NELL2: variants seen among roughly 807,000 people sequenced by gnomAD.
NELL2 encodes neural EGFL like 2.
A neutral mutation model predicts 109.6 loss-of-function variants in NELL2; 41 were observed. That is an observed-to-expected ratio of 0.37 (90% CI 0.29 to 0.49). The LOEUF (loss-of-function observed/expected upper bound fraction) is 0.49, where lower values mean the gene tolerates loss of function less well. Ranked by LOEUF, NELL2 falls within the 20% of genes least tolerant of loss-of-function variation. The pLI, the probability that NELL2 is intolerant of heterozygous loss-of-function variation, is 0.98. For synonymous variants in NELL2, 355 were observed against 344.7 expected, an observed-to-expected ratio of 1.03 and a Z score of -0.33; for missense variants, 900 against 1,008.3, an observed-to-expected ratio of 0.89 and a Z score of 1.45.
intron 3 of NELL2, among the ~76,000 whole-genome samples, chr12:44,791,905 G>A (rs549963379): frequency 1.3e-5 from 2 of 151,856 alleles, no homozygotes; most frequent in Admixed American, 1.3e-4. Context: ...CAGGCATATA[G>A]ACCACACTGA....
intron 12 of NELL2, among the ~76,000 whole-genome samples, chr12:44,685,540 C>A (rs959421883): frequency 1.4e-4 from 21 of 152,126 alleles, no homozygotes; most frequent in Middle Eastern, 3.2e-3. Flanking sequence ...CATGATTTTG[C>A]AGCAGGTGGT....
At chr12:44,654,880 C>T (rs981409218) in intron 13 of NELL2, among the ~76,000 whole-genome samples, 4 of 152,126 alleles carry the variant, frequency 2.6e-5, no homozygotes, top group African/African-American at 4.8e-5. Flanking sequence ...CCACGGAGCA[C>T]TCAGAAGGTG....
chr12:44,766,765 G>A (rs539126123), intron 9 of NELL2, among the ~76,000 whole-genome samples: 1 of 152,236 alleles, frequency 6.6e-6, no homozygotes, highest in Admixed American at 6.5e-5. Flanking sequence ...TCCCATTTTG[G>A]TCCCCTAGAA....
chr12:44,680,814 T>A (rs1948470284), intron 12 of NELL2, among the ~76,000 whole-genome samples: 1 of 152,170 alleles, frequency 6.6e-6, no homozygotes, highest in African/African-American at 2.4e-5. Context: ...AAATCGCAGT[T>A]ATTGTTGTTG....
chr12:44,786,187 AAAAC>A (rs1353540900), intron 3 of NELL2, among the ~76,000 whole-genome samples: 4 of 152,326 alleles, frequency 2.6e-5, no homozygotes, highest in South Asian at 4.1e-4. Flanking sequence ...TACAAGAAAA[AAAAC>A]AAACAGCCCC....
chr12:44,738,477 TAA>T (rs78566142), intron 9 of NELL2, among the ~76,000 whole-genome samples: 2 of 142,750 alleles, frequency 1.4e-5, no homozygotes, highest in Admixed American at 7.1e-5. Flanking sequence ...TTATTTATCT[TAA>T]AAAAAAAAAA....
chr12:44,807,415 C>T (rs990673823), intron 3 of NELL2, among the ~76,000 whole-genome samples: 15 of 151,026 alleles, frequency 9.9e-5, no homozygotes, highest in African/African-American at 3.4e-4. Flanking sequence ...CGTTCATTAA[C>T]GACATCTCTA....
chr12:44,711,544 G>A (rs1592378780), intron 10 of NELL2, 150 bp from the exon 11 acceptor site: 2 of 593,206 alleles, frequency 3.4e-6, no homozygotes, highest in East Asian at 5.7e-5. Flanking sequence ...CTCCCAAAAT[G>A]ACATTAAATC....
chr12:44,637,653 G>A (rs1051711420), intron 13 of NELL2, among the ~76,000 whole-genome samples: 4 of 149,832 alleles, frequency 2.7e-5, no homozygotes, highest in Non-Finnish European at 5.9e-5. Context: ...ACCTAACTGC[G>A]GGAAAAAGCC....
intron 15 of NELL2, among the ~76,000 whole-genome samples, chr12:44,579,301 G>A (rs1331206187): frequency 6.6e-6 from 1 of 152,100 alleles, no homozygotes; most frequent in African/African-American, 2.4e-5. Context: ...TATACCAGGG[G>A]GCTAATTATA....
intron 9 of NELL2, among the ~76,000 whole-genome samples, chr12:44,756,658 A>G (rs557515144): frequency 9.9e-5 from 15 of 152,160 alleles, no homozygotes; most frequent in Non-Finnish European, 1.9e-4. Flanking sequence ...GCTACCATGT[A>G]TCACTTCCTA....
intron 9 of NELL2, among the ~76,000 whole-genome samples, chr12:44,731,289 G>A (rs1475630073): frequency 6.6e-6 from 1 of 152,014 alleles, no homozygotes; most frequent in Admixed American, 6.6e-5. Context: ...ACAAAGCACT[G>A]CAGGAAAAGA....
At chr12:44,629,798 T>G (rs1946386287) in intron 13 of NELL2, among the ~76,000 whole-genome samples, 1 of 152,214 alleles carries the variant, frequency 6.6e-6, no homozygotes, top group Non-Finnish European at 1.5e-5. Context: ...TTGCCAACAC[T>G]GTCATAAATT....
chr12:44,876,405 C>A, upstream of NELL2: 1 of 1,265,416 alleles, frequency 7.9e-7, no homozygotes, highest in Non-Finnish European at 1.0e-6. Flanking sequence ...GAGGGAGGGG[C>A]CGCCGAGGGC....
chr12:44,884,176 T>C (rs908074440), intron 1 of NELL2, among the ~76,000 whole-genome samples: 3 of 151,826 alleles, frequency 2.0e-5, no homozygotes, highest in Non-Finnish European at 4.4e-5. Context: ...AAGTTGAATG[T>C]CATATGTGAA....
intron 15 of NELL2, among the ~76,000 whole-genome samples, chr12:44,553,334 A>C (rs1224336223): frequency 6.6e-6 from 1 of 152,032 alleles, no homozygotes; most frequent in Non-Finnish European, 1.5e-5. Context: ...AGGTTGATTC[A>C]TGACCTAATA....
intron 9 of NELL2, among the ~76,000 whole-genome samples, chr12:44,769,461 A>C (rs9971745): frequency 0.22 from 33,797 of 152,030 alleles, 3,959 homozygotes; most frequent in South Asian, 0.27. Context: ...AAAAATGCCA[A>C]GTGTGGGTGA....
chr12:44,705,630 G>A (rs568207094), intron 11 of NELL2, among the ~76,000 whole-genome samples: 2 of 151,906 alleles, frequency 1.3e-5, no homozygotes, highest in East Asian at 1.9e-4. Context: ...GAACAATTTC[G>A]GCTAAAAAGT....
intron 13 of NELL2, among the ~76,000 whole-genome samples, chr12:44,659,799 C>T (rs1285444143): frequency 6.6e-6 from 1 of 151,988 alleles, no homozygotes; most frequent in Non-Finnish European, 1.5e-5. Context: ...AACAAAAACT[C>T]AAGTATCTAG....
Sources: gnomAD v4.1 joint callset for allele counts (sites outside exome capture counted in the v4.1 genomes callset) on GRCh38, gnomAD v4.1.1 for gene constraint, MANE v1.5 for transcripts, NCBI Gene and HGNC (gene_info 2026-07-23, HGNC 2026-07-21) for gene names.